Variants in PLCXD3 observed in about 807,000 individuals in gnomAD.
PLCXD3 encodes the protein phosphatidylinositol specific phospholipase C X domain containing 3, also known as PI-PLC X domain-containing protein 3.
In PLCXD3, 19 loss-of-function variants were observed where a neutral mutation model predicts 25.5. That is an observed-to-expected ratio of 0.75 (90% CI 0.52 to 1.09). PLCXD3 has a LOEUF of 1.09. Ranked by LOEUF, PLCXD3 falls within the 50% of genes least tolerant of loss-of-function variation. PLCXD3 has a pLI of 0.00. For missense variants in PLCXD3, 411 were observed against 388.1 expected, an observed-to-expected ratio of 1.06 and a Z score of -0.50; for synonymous variants, 174 against 137.6, an observed-to-expected ratio of 1.26 and a Z score of -1.85.
chr5:41,320,182 T>TA (rs1297597993), intron 2 of PLCXD3, among the ~76,000 whole-genome samples: 1 of 151,848 alleles, frequency 6.6e-6, no homozygotes, highest in African/African-American at 2.4e-5. Flanking sequence ...ACCAAACATT[T>TA]AAAGAAAAAC....
At position 41,308,099 on chromosome 5, in the gene PLCXD3, T is replaced by C. The variant is rs1743045115; in HGVS notation, c.*5518A>G. ...CTAGAGCTGACCAATGTTTTCTTTC[T>C]TGAAGGACATTATGACTGCAGATAT... On this transcript the variant is annotated 3_prime_UTR_variant, in exon 3 of 3. Transcript: ENST00000377801. 1 of 152,158 alleles carries C rather than the reference T, an allele frequency of 6.6e-6. No individual in the cohort carries two copies. Among genetic ancestry groups the C allele is most frequent in the South Asian group, 2.1e-4 (1 of 4,832 alleles). 9.4% of individuals were successfully genotyped at this position (152,158 alleles called of 1,614,324 possible). A position where few individuals can be genotyped will look rare whatever the true frequency, so the allele number is the denominator to read the frequency against.
chr5:41,366,049 C>T (rs1044152603), intron 2 of PLCXD3, among the ~76,000 whole-genome samples: 4 of 152,026 alleles, frequency 2.6e-5, no homozygotes, highest in East Asian at 1.9e-4. Flanking sequence ...CCCGTTAACT[C>T]GTCATTTATA....
chr5:41,473,626 T>G (rs1403995021), intron 1 of PLCXD3, among the ~76,000 whole-genome samples: 1 of 152,034 alleles, frequency 6.6e-6, no homozygotes, highest in Non-Finnish European at 1.5e-5. Context: ...CTAATTTTTT[T>G]TTTGTATTTT....
chr5:41,365,151 G>A (rs1280324803), intron 2 of PLCXD3, among the ~76,000 whole-genome samples: 1 of 152,126 alleles, frequency 6.6e-6, no homozygotes, highest in South Asian at 2.1e-4. Flanking sequence ...ATCTTATTGT[G>A]TGGAAATGTT....
At chr5:41,490,667 G>T (rs1748645831) in intron 1 of PLCXD3, among the ~76,000 whole-genome samples, 1 of 152,170 alleles carries the variant, frequency 6.6e-6, no homozygotes, top group Non-Finnish European at 1.5e-5. Context: ...TCTTGGGAGG[G>T]TGTATGTGTC....
chr5:41,507,245 T>C (rs1311614740), intron 1 of PLCXD3, among the ~76,000 whole-genome samples: 1 of 152,198 alleles, frequency 6.6e-6, no homozygotes, highest in African/African-American at 2.4e-5. Flanking sequence ...CACCTGCTTA[T>C]AGTGAAGGGC....
intron 1 of PLCXD3, among the ~76,000 whole-genome samples, chr5:41,472,169 A>G (rs1345528203): frequency 6.6e-6 from 1 of 151,794 alleles, no homozygotes; most frequent in African/African-American, 2.4e-5. Context: ...AAAGCTACAA[A>G]TGGAATGATA....
chr5:41,496,608 G>T (rs1265821892), intron 1 of PLCXD3, among the ~76,000 whole-genome samples: 1 of 137,124 alleles, frequency 7.3e-6, no homozygotes, highest in Non-Finnish European at 1.6e-5. Flanking sequence ...ATAAAGGAAA[G>T]GTAAAGCTTT....
At chr5:41,435,613 G>A (rs897808) in intron 1 of PLCXD3, among the ~76,000 whole-genome samples, 37,487 of 152,056 alleles carry the variant, frequency 0.25, 4,600 homozygotes, top group South Asian at 0.27. Context: ...TTTCCTCATA[G>A]GTAAGAATGG....
intron 1 of PLCXD3, among the ~76,000 whole-genome samples, chr5:41,409,269 C>T (rs532784407): frequency 6.6e-6 from 1 of 152,300 alleles, no homozygotes; most frequent in East Asian, 1.9e-4. Flanking sequence ...CTTGAGCAGC[C>T]TTAAGCCCAG....
At chr5:41,478,044 G>A (rs966681888) in intron 1 of PLCXD3, among the ~76,000 whole-genome samples, 1 of 152,186 alleles carries the variant, frequency 6.6e-6, no homozygotes, top group Non-Finnish European at 1.5e-5. Flanking sequence ...GCCTGACAAA[G>A]TATAGCAATG....
intron 2 of PLCXD3, among the ~76,000 whole-genome samples, chr5:41,364,204 T>C (rs951037605): frequency 3.9e-5 from 6 of 152,170 alleles, no homozygotes; most frequent in Non-Finnish European, 7.3e-5. Flanking sequence ...CATCCTACTA[T>C]GCACAAGACA....
intron 2 of PLCXD3, among the ~76,000 whole-genome samples, chr5:41,339,120 G>A (rs1744063812): frequency 6.6e-6 from 1 of 152,046 alleles, no homozygotes; most frequent in South Asian, 2.1e-4. Context: ...CTCTATCTCT[G>A]GAAGAGTCAA....
intron 1 of PLCXD3, among the ~76,000 whole-genome samples, chr5:41,418,164 T>C (rs1025219546): frequency 1.3e-5 from 2 of 152,188 alleles, no homozygotes; most frequent in African/African-American, 4.8e-5. Flanking sequence ...ATGCAGTGTG[T>C]GTGGCATATA....
In PLCXD3 at chr5:41,309,228, A is replaced by G. The variant is rs1743068684; in HGVS notation, c.*4389T>C. On this transcript the variant is annotated 3_prime_UTR_variant, in exon 3 of 3. Coordinates refer to ENST00000377801, the MANE Select transcript of PLCXD3 (RefSeq NM_001005473.3). ...TGAAATAACAATTACACAATTTTCA[A>G]CAGATTCAATTGACATGTTTTACAA... The G allele has an allele frequency of 6.6e-6, 1 of 152,594 alleles. No homozygotes were observed. Among genetic ancestry groups the G allele is most frequent in the South Asian group, 2.1e-4 (1 of 4,836 alleles). 9.5% of individuals were successfully genotyped at this position (152,594 alleles called of 1,614,324 possible).
rs1006701829 is a variant in PLCXD3 at position 41,312,337 on chromosome 5, A to T, written c.*1280T>A. ...AGACCTCATAAATTTCAAGTTTCCT[A>T]AAGATATTTCAGAGATCCCTGTGAT... On this transcript the variant is annotated 3_prime_UTR_variant, in exon 3 of 3. Transcript: ENST00000377801. 1 of 152,412 alleles carries T rather than the reference A, an allele frequency of 6.6e-6. No individual in the cohort carries two copies. Among genetic ancestry groups the T allele is most frequent in the Non-Finnish European group, 1.5e-5 (1 of 68,018 alleles). 9.4% of individuals were successfully genotyped at this position (152,412 alleles called of 1,614,324 possible). A position where few individuals can be genotyped will look rare whatever the true frequency, so the allele number is the denominator to read the frequency against.
At chr5:41,332,704 A>T (rs375211469) in intron 2 of PLCXD3, among the ~76,000 whole-genome samples, 1 of 152,156 alleles carries the variant, frequency 6.6e-6, no homozygotes, top group Non-Finnish European at 1.5e-5. Flanking sequence ...CAAATGTCCA[A>T]CAATGATAGA....
chr5:41,502,581 A>G (rs1215928290), intron 1 of PLCXD3, among the ~76,000 whole-genome samples: 1 of 152,162 alleles, frequency 6.6e-6, no homozygotes, highest in Non-Finnish European at 1.5e-5. Flanking sequence ...CATCTTAGAG[A>G]ACAAGAAATG....
intron 2 of PLCXD3, among the ~76,000 whole-genome samples, chr5:41,335,757 G>C (rs529785181): frequency 6.6e-6 from 1 of 152,206 alleles, no homozygotes; most frequent in South Asian, 2.1e-4. Flanking sequence ...GGATGAATCA[G>C]ATATGGTCCC....
Sources: allele counts gnomAD v4.1 joint callset (sites outside exome capture counted in the v4.1 genomes callset), GRCh38; gene constraint gnomAD v4.1.1; transcripts MANE v1.5; gene names NCBI Gene and HGNC (gene_info 2026-07-23, HGNC 2026-07-21).